ATP2B2: variants seen among roughly 807,000 people sequenced by gnomAD.
ATP2B2 encodes plasma membrane calcium-transporting ATPase 2.
A neutral mutation model predicts 120.0 loss-of-function variants in ATP2B2; 15 were observed. That is an observed-to-expected ratio of 0.12 (90% CI 0.08 to 0.19). ATP2B2 has a LOEUF of 0.19. Ranked by LOEUF, ATP2B2 falls within the 10% of genes least tolerant of loss-of-function variation. The probability of loss-of-function intolerance (pLI) is 1.00; values close to 1 mark genes in which losing one functional copy is unlikely to be tolerated. For synonymous variants in ATP2B2, 694 were observed against 700.3 expected (o/e 0.99, Z 0.14); for missense variants, 1,045 against 1,719.8 (o/e 0.61, Z 6.94).
chr3:10,409,287 A>G (rs2062525555), intron 3 of ATP2B2, among the ~76,000 whole-genome samples: 1 of 152,208 alleles, frequency 6.6e-6, no homozygotes, highest in African/African-American at 2.4e-5. Context: ...GAGAAATGTC[A>G]TCTTCCTAAA....
chr3:10,629,814 A>G (rs1327046764), intron 1 of ATP2B2, among the ~76,000 whole-genome samples: 2 of 152,256 alleles, frequency 1.3e-5, no homozygotes, highest in Admixed American at 6.5e-5. Flanking sequence ...AATCTCTGGC[A>G]TAAATTCATT....
intron 1 of ATP2B2, among the ~76,000 whole-genome samples, chr3:10,673,072 G>A (rs1050700835): frequency 6.6e-6 from 1 of 152,184 alleles, no homozygotes; most frequent in Non-Finnish European, 1.5e-5. Flanking sequence ...GAAAATGGGG[G>A]TAGTAATGTC....
intron 2 of ATP2B2, among the ~76,000 whole-genome samples, chr3:10,559,632 G>A (rs1005285190): frequency 2.0e-5 from 3 of 152,134 alleles, no homozygotes; most frequent in African/African-American, 7.2e-5. Context: ...ACCCAGCCCA[G>A]GGTGCTGGAG....
chr3:10,455,740 C>T (rs1316234253), intron 1 of ATP2B2, among the ~76,000 whole-genome samples: 2 of 152,224 alleles, frequency 1.3e-5, no homozygotes, highest in Non-Finnish European at 2.9e-5. Flanking sequence ...GGTTGAGCAA[C>T]ACACTAGGGG....
rs186502947 is a variant in ATP2B2 at position 10,482,470 on chromosome 3, G to T, written c.-320+22995C>A. 4.1e-4 allele frequency among the ~76,000 whole-genome samples: 63 copies of T among 152,328 alleles called. No homozygotes were observed. The Middle Eastern group carries it at 0.017, about 41-fold the overall frequency. ...GGCCATCCCTCCATGCCTCACCTGG[G>T]TGTGTGAGCAATGGCCTAAGGCAGC... is the stretch of plus-strand genomic sequence containing the variant. On this transcript the variant is annotated intron_variant, in intron 1 of 22. Coordinates refer to ENST00000360273, the MANE Select transcript of ATP2B2 (RefSeq NM_001001331.4).
intron 1 of ATP2B2, among the ~76,000 whole-genome samples, chr3:10,472,630 G>A (rs1469053135): frequency 6.6e-6 from 1 of 152,186 alleles, no homozygotes; most frequent in Admixed American, 6.5e-5. Context: ...GAAATCCAAT[G>A]TCACTTCTGG....
At chr3:10,588,494 C>T (rs899382015) in intron 2 of ATP2B2, among the ~76,000 whole-genome samples, 8 of 152,256 alleles carry the variant, frequency 5.3e-5, no homozygotes, top group African/African-American at 9.6e-5. Context: ...GTTCCACGGC[C>T]GGGCACTGAG....
intron 1 of ATP2B2, among the ~76,000 whole-genome samples, chr3:10,704,228 T>C (rs1365964566): frequency 2.6e-5 from 4 of 152,242 alleles, no homozygotes; most frequent in Non-Finnish European, 5.9e-5. Flanking sequence ...TTTAAAATGA[T>C]GATAATATCA....
chr3:10,443,779 T>G (rs1235318998), intron 2 of ATP2B2, among the ~76,000 whole-genome samples: 2 of 152,188 alleles, frequency 1.3e-5, no homozygotes, highest in Non-Finnish European at 2.9e-5. Flanking sequence ...GATGGAGCCC[T>G]CATGGATAAA....
At chr3:10,540,082 A>C (rs1265472870) in intron 2 of ATP2B2, among the ~76,000 whole-genome samples, 4 of 151,576 alleles carry the variant, frequency 2.6e-5, no homozygotes, top group Non-Finnish European at 5.9e-5. Flanking sequence ...ATTTCTCAAA[A>C]GAAGACATTT....
In ATP2B2 at chr3:10,702,456, A is replaced by AGGAAACAGCTT; in HGVS notation, c.-460+5458_-460+5459insAAGCTGTTTCC. On this transcript the variant is annotated intron_variant, in intron 1 of 21. Transcript: ENST00000646379. Reference sequence around the variant, plus strand: ...CGCTTTTATAGATGAGGAAACTGAGACAGACAGAGCTGAAGCCACTTACCC... The same window carrying AGGAAACAGCTT: ...CGCTTTTATAGATGAGGAAACTGAGAGGAAACAGCTTCAGACAGAGCTGAAGCCACTTACCC... Among the ~76,000 whole-genome samples, 3 of 152,318 alleles carry AGGAAACAGCTT rather than the reference A, an allele frequency of 2.0e-5. No individual in the cohort carries two copies. The South Asian group carries it at 6.2e-4, about 32-fold the overall frequency.
At position 10,327,320 on chromosome 3, in the gene ATP2B2, A is replaced by G. The variant is rs1318898893; in HGVS notation, c.*1494T>C. On this transcript the variant is annotated 3_prime_UTR_variant, in exon 23 of 23. Transcript: ENST00000360273. ...AGACTTGCTGTTAAAAGGCTACAGTATATATTGTGACTACAGGAAGACAAT... is the reference window on the plus strand; with the variant it reads ...AGACTTGCTGTTAAAAGGCTACAGTGTATATTGTGACTACAGGAAGACAAT... The G allele has an allele frequency of 1.3e-5, 2 of 153,440 alleles. No individual in the cohort carries two copies. The highest frequency in any genetic ancestry group is 4.8e-5 in the African/African-American group (2 of 41,500). The allele number at this position is 153,440 out of a possible 1,614,324, so 9.5% of individuals were successfully genotyped here.
chr3:10,519,357 G>A (rs1238577597), intron 3 of ATP2B2, among the ~76,000 whole-genome samples: 1 of 152,214 alleles, frequency 6.6e-6, no homozygotes, highest in Non-Finnish European at 1.5e-5. Flanking sequence ...AAGGTGCAAT[G>A]TGCAATGTCC....
chr3:10,372,197 G>T, intron 11 of ATP2B2, 146 bp from the exon 12 acceptor site: 1 of 1,151,200 alleles, frequency 8.7e-7, no homozygotes, highest in Non-Finnish European at 1.3e-6. Context: ...AAAGGATCTT[G>T]GTTGCTGCTG....
At chr3:10,437,428 C>G (rs1032646453) in intron 2 of ATP2B2, among the ~76,000 whole-genome samples, 1 of 152,142 alleles carries the variant, frequency 6.6e-6, no homozygotes, top group African/African-American at 2.4e-5. Flanking sequence ...GATGTCATTT[C>G]CTCAGCACAA....
chr3:10,510,191 G>A (rs1231151367), upstream of ATP2B2, among the ~76,000 whole-genome samples: 1 of 152,182 alleles, frequency 6.6e-6, no homozygotes, highest in African/African-American at 2.4e-5. Context: ...TGCTCCCTCA[G>A]GGAGGAGGTT....
At chr3:10,349,823 G>A (rs1328445227) in intron 16 of ATP2B2, among the ~76,000 whole-genome samples, 3 of 152,164 alleles carry the variant, frequency 2.0e-5, no homozygotes, top group Non-Finnish European at 4.4e-5. Context: ...ACACGTCTGT[G>A]GGCCCCATTC....
chr3:10,397,784 TCCCCA>T (rs1353406780), intron 5 of ATP2B2, among the ~76,000 whole-genome samples: 3 of 152,070 alleles, frequency 2.0e-5, no homozygotes, highest in African/African-American at 7.2e-5. Context: ...CCCTCCAACA[TCCCCA>T]CCTGCAGCCT....
intron 2 of ATP2B2, among the ~76,000 whole-genome samples, chr3:10,444,774 A>G (rs2063782386): frequency 6.6e-6 from 1 of 152,202 alleles, no homozygotes; most frequent in Non-Finnish European, 1.5e-5. Flanking sequence ...GGGCTCAGGG[A>G]ACTGGAGCCA....
Sources: allele counts gnomAD v4.1 joint callset (sites outside exome capture counted in the v4.1 genomes callset), GRCh38; gene constraint gnomAD v4.1.1; transcripts MANE v1.5; gene names NCBI Gene and HGNC (gene_info 2026-07-23, HGNC 2026-07-21).